Variants in TMPRSS15 observed in about 807,000 individuals in gnomAD.
The protein encoded by TMPRSS15 is transmembrane serine protease 15.
A neutral mutation model predicts 125.3 loss-of-function variants in TMPRSS15; 128 were observed. That is an observed-to-expected ratio of 1.02 (90% CI 0.89 to 1.18). TMPRSS15 has a LOEUF of 1.18. Among genes scored for constraint, TMPRSS15 ranks in the 50% most tolerant of loss-of-function variants. The pLI is 0.00. For synonymous variants in TMPRSS15, 446 were observed against 423.2 expected, an observed-to-expected ratio of 1.05 and a Z score of -0.66; for missense variants, 1,283 against 1,212.7, an observed-to-expected ratio of 1.06 and a Z score of -0.86.
At chr21:18,460,490 G>T (rs1267714847) in intron 1 of TMPRSS15, 2 of 152,140 alleles carry the variant, frequency 1.3e-5, no homozygotes, top group African/African-American at 2.4e-5. Flanking sequence ...GTACTGTGCA[G>T]TAATCAGAGT....
chr21:18,425,772 C>T (rs2076201416), intron 1 of TMPRSS15, among the ~76,000 whole-genome samples: 1 of 151,994 alleles, frequency 6.6e-6, no homozygotes, highest in African/African-American at 2.4e-5. Flanking sequence ...AAAAATCTCC[C>T]AAATATATCT....
chr21:18,306,919 TA>T (rs139079769), intron 18 of TMPRSS15, among the ~76,000 whole-genome samples: 15,449 of 152,034 alleles, frequency 0.1, 940 homozygotes, highest in Middle Eastern at 0.21. Context: ...AGGTTTAATA[TA>T]AAAAAAGGAA....
At chr21:18,327,805 C>G (rs1219531171) in intron 15 of TMPRSS15, among the ~76,000 whole-genome samples, 1 of 152,074 alleles carries the variant, frequency 6.6e-6, no homozygotes, top group African/African-American at 2.4e-5. Context: ...ATTTGAGCAT[C>G]TTTATTTAAT....
intron 10 of TMPRSS15, among the ~76,000 whole-genome samples, chr21:18,347,867 C>A (rs8130254): frequency 0.4 from 61,477 of 151,866 alleles, 12,557 homozygotes; most frequent in South Asian, 0.46. Context: ...ATAGTGGCTC[C>A]CATCTGTAAT....
intron 10 of TMPRSS15, among the ~76,000 whole-genome samples, chr21:18,344,983 T>C (rs1173267136): frequency 6.6e-6 from 1 of 152,204 alleles, no homozygotes; most frequent in Admixed American, 6.5e-5. Context: ...CAATGTTGCA[T>C]ATAAACTTTA....
intron 18 of TMPRSS15, among the ~76,000 whole-genome samples, chr21:18,299,393 T>C (rs930133639): frequency 6.6e-6 from 1 of 152,218 alleles, no homozygotes; most frequent in Non-Finnish European, 1.5e-5. Flanking sequence ...TTAGAGGACC[T>C]TGAATTTCAC....
intron 1 of TMPRSS15, among the ~76,000 whole-genome samples, chr21:18,444,998 T>C (rs2123241686): frequency 6.6e-6 from 1 of 152,240 alleles, no homozygotes; most frequent in East Asian, 1.9e-4. Context: ...GTGGCAAAAC[T>C]TTTAGTGGCA....
In TMPRSS15 at chr21:18,312,934, G is replaced by T; in HGVS notation, c.2165+11C>A. On this transcript the variant is annotated intron_variant, in intron 18 of 24. Coordinates refer to ENST00000284885, the MANE Select transcript of TMPRSS15 (RefSeq NM_002772.3). ...AAATCTCTTAAAAAGGAACTCAGTA[G>T]AATTACTTACCCTAGTCCCAGCAGT... is the stretch of plus-strand genomic sequence containing the variant. 1 of 1,613,136 alleles carries T rather than the reference G, an allele frequency of 6.2e-7. No individual in the cohort carries two copies. Among genetic ancestry groups the T allele is most frequent in the Non-Finnish European group, 8.5e-7 (1 of 1,179,282 alleles).
intron 11 of TMPRSS15, 51 bp downstream of exon 11, chr21:18,343,904 C>T (rs2075477140): frequency 6.6e-7 from 1 of 1,522,268 alleles, no homozygotes; most frequent in Non-Finnish European, 9.1e-7. Context: ...CTGAGCAAGG[C>T]AATGTTACCC....
At chr21:18,431,069 G>A (rs1036803391) in intron 1 of TMPRSS15, among the ~76,000 whole-genome samples, 1 of 152,182 alleles carries the variant, frequency 6.6e-6, no homozygotes. Flanking sequence ...TAGTTCATTT[G>A]TTATTAGCAA....
At position 18,343,973 on chromosome 21, in the gene TMPRSS15, G is replaced by T. The variant is rs1291343451; in HGVS notation, c.1259C>A (p.Pro420Gln). The change falls in exon 11 of 25, where the codon CCA becomes CAA. Residue 420 changes from proline to glutamine, a missense_variant. Physicochemically the swap from Pro to Gln is moderately conservative, Grantham distance 76. Coordinates refer to ENST00000284885, the MANE Select transcript of TMPRSS15 (RefSeq NM_002772.3). ...LSLPLDPTLE[P>Q]ACLSFWYHMY... The stretch of plus-strand genomic sequence containing the variant: ...AACATACCAGAAACTAAGGCAAGCT[G>T]GCTCCAAAGTGGGGTCCAAAGGGAG... The T allele has an allele frequency of 6.2e-7, 1 of 1,613,934 alleles. No individual in the cohort carries two copies. Among genetic ancestry groups the T allele is most frequent in the African/African-American group, 1.3e-5 (1 of 74,918 alleles).
chr21:18,322,404 T>C (rs925978873), intron 16 of TMPRSS15, among the ~76,000 whole-genome samples: 2 of 152,210 alleles, frequency 1.3e-5, no homozygotes, highest in Non-Finnish European at 2.9e-5. Flanking sequence ...AAAAGCAGTA[T>C]ATCAAAGAGA....
intron 14 of TMPRSS15, among the ~76,000 whole-genome samples, chr21:18,331,566 A>T (rs2075345926): frequency 1.3e-5 from 2 of 152,176 alleles, no homozygotes; most frequent in African/African-American, 4.8e-5. Flanking sequence ...TTTATTTTTT[A>T]TACTGGAAAT....
intron 10 of TMPRSS15, among the ~76,000 whole-genome samples, chr21:18,345,354 C>T (rs190456682): frequency 8.7e-4 from 132 of 152,168 alleles, no homozygotes; most frequent in Admixed American, 1.6e-3. Context: ...AGAGAGGTCC[C>T]AGAATCTACT....
chr21:18,402,383 G>A (rs1281791713), intron 1 of TMPRSS15, among the ~76,000 whole-genome samples: 2 of 152,034 alleles, frequency 1.3e-5, no homozygotes, highest in Non-Finnish European at 2.9e-5. Flanking sequence ...ACAAAAATTA[G>A]CTGGGCGTGA....
intron 1 of TMPRSS15, among the ~76,000 whole-genome samples, chr21:18,466,920 A>G (rs981699449): frequency 1.3e-5 from 2 of 152,174 alleles, no homozygotes; most frequent in African/African-American, 4.8e-5. Context: ...TATATACCCA[A>G]AGGATTATAA....
chr21:18,383,492 A>G (rs1390542424), intron 4 of TMPRSS15, 135 bp downstream of exon 4: 3 of 1,018,878 alleles, frequency 2.9e-6, no homozygotes, highest in South Asian at 3.1e-5. Flanking sequence ...CACTTTTCTC[A>G]TGTAAATGTG....
At chr21:18,443,614 C>T (rs1026995445) in intron 1 of TMPRSS15, among the ~76,000 whole-genome samples, 2 of 152,212 alleles carry the variant, frequency 1.3e-5, no homozygotes, top group African/African-American at 2.4e-5. Flanking sequence ...GGTGCCATAG[C>T]CCCAGTGGAG....
chr21:18,426,647 T>C (rs1304005470), intron 1 of TMPRSS15, among the ~76,000 whole-genome samples: 1 of 152,210 alleles, frequency 6.6e-6, no homozygotes, highest in Non-Finnish European at 1.5e-5. Context: ...TAGAGGACTT[T>C]AGTAATGTCA....
Sources: gnomAD v4.1 joint callset for allele counts (sites outside exome capture counted in the v4.1 genomes callset) on GRCh38, gnomAD v4.1.1 for gene constraint, MANE v1.5 for transcripts, NCBI Gene and HGNC (gene_info 2026-07-23, HGNC 2026-07-21) for gene names.